The following ALPK1 variants were observed in gnomAD, a reference collection of about 807,000 sequenced individuals.
ALPK1 encodes the protein alpha-protein kinase 1.
ALPK1 carries 110 observed loss-of-function variants against 120.6 expected under a neutral mutation model. That is an observed-to-expected ratio of 0.91 (90% CI 0.78 to 1.07). ALPK1 has a LOEUF of 1.07. Among genes scored for constraint, ALPK1 ranks in the 50% least tolerant of loss-of-function variants. The probability of loss-of-function intolerance (pLI) is 0.00; values close to 1 mark genes in which losing one functional copy is unlikely to be tolerated. For missense variants in ALPK1, 1,498 were observed against 1,483.9 expected, an observed-to-expected ratio of 1.01 and a Z score of -0.16; for synonymous variants, 582 against 560.3, an observed-to-expected ratio of 1.04 and a Z score of -0.55.
chr4:112,364,822 A>G (rs1731070722), intron 2 of ALPK1, among the ~76,000 whole-genome samples: 1 of 152,208 alleles, frequency 6.6e-6, no homozygotes, highest in Non-Finnish European at 1.5e-5. Flanking sequence ...ATACTAGCTA[A>G]CAGAACCCAA....
rs568404114 is a variant in ALPK1, at chr4:112,439,476, A to G, written c.3352-210A>G. 6.0e-4 allele frequency among the ~76,000 whole-genome samples: 92 copies of G among 152,356 alleles called. 4 individuals carry two copies. The South Asian group carries it at 0.018, about 31-fold the overall frequency. On this transcript the variant is annotated intron_variant, in intron 13 of 15. Transcript: ENST00000650871. ...AAATTTAAGTTCTATGACATGCCAC[A>G]TGCCGTGTTAAGCATTTTACATGCA...
intron 2 of ALPK1, chr4:112,359,800 T>C: frequency 2.3e-6 from 1 of 426,484 alleles, no homozygotes; most frequent in Non-Finnish European, 4.6e-6. Context: ...ATGCAGGTCT[T>C]CTGGCCAGAG....
intron 8 of ALPK1, 48 bp downstream of exon 8, chr4:112,426,591 G>A (rs756087674): frequency 1.4e-6 from 2 of 1,379,884 alleles, no homozygotes; most frequent in East Asian, 2.6e-5. Flanking sequence ...TTTGTCTTTG[G>A]ATGATTATCT....
At position 112,311,640 on chromosome 4, in the gene ALPK1, T is replaced by C. The variant is rs182649381; in HGVS notation, c.-152-4161T>C. On this transcript the variant is annotated intron_variant, in intron 1 of 15. Coordinates refer to ENST00000650871, the MANE Select transcript of ALPK1 (RefSeq NM_025144.4). ...CTGAAGCTCTGTCTGTCCTTCAAGG[T>C]GCCTTCCTGACTTTCACAGCCAGCT... Among the ~76,000 whole-genome samples, 427 of 152,344 alleles carry C rather than the reference T, an allele frequency of 2.8e-3. 5 individuals carry two copies. The highest frequency in any genetic ancestry group is 9.1e-3 in the Admixed American group (140 of 15,306).
intron 5 of ALPK1, chr4:112,412,368 A>T (rs1294422578): frequency 2.0e-6 from 1 of 494,416 alleles, no homozygotes; most frequent in East Asian, 5.9e-5. Context: ...TTTAAAAAGC[A>T]GATTAGAATT....
At chr4:112,358,458 A>C in intron 2 of ALPK1, 1 of 659,420 alleles carries the variant, frequency 1.5e-6, no homozygotes, top group South Asian at 1.7e-5. Context: ...AGGAAAGCTA[A>C]GAGTCTCGAC....
intron 4 of ALPK1, among the ~76,000 whole-genome samples, chr4:112,409,039 TG>T (rs1453442112): frequency 6.6e-6 from 1 of 152,232 alleles, no homozygotes; most frequent in Non-Finnish European, 1.5e-5. Flanking sequence ...TCCCTTGTGT[TG>T]CCCATAAACA....
chr4:112,324,971 A>G (rs932060575), intron 2 of ALPK1, among the ~76,000 whole-genome samples: 3 of 109,346 alleles, frequency 2.7e-5, no homozygotes, highest in Non-Finnish European at 5.9e-5. Context: ...GGAACCAAAA[A>G]AAAGGGGGGG....
At chr4:112,397,683 C>T (rs541439529) in intron 4 of ALPK1, among the ~76,000 whole-genome samples, 1 of 152,258 alleles carries the variant, frequency 6.6e-6, no homozygotes, top group African/African-American at 2.4e-5. Context: ...GCCTAATATG[C>T]TTAAAATGTA....
intron 1 of ALPK1, among the ~76,000 whole-genome samples, chr4:112,299,747 C>T (rs1473483882): frequency 1.3e-5 from 2 of 152,078 alleles, no homozygotes; most frequent in Non-Finnish European, 2.9e-5. Flanking sequence ...TTTTATCAAA[C>T]GTTTATCACA....
Position 112,377,813 on chromosome 4 carries a change from A to G in ALPK1, c.36A>G (p.Gln12=), listed in dbSNP as rs774077943. The G allele has an allele frequency of 6.2e-7, 1 of 1,613,328 alleles. No individual in the cohort carries two copies. Among genetic ancestry groups the G allele is most frequent in the Non-Finnish European group, 8.5e-7 (1 of 1,179,572 alleles). The change falls in exon 3 of 16, where the codon CAA becomes CAG. Residue 12 remains glutamine (Q), a synonymous_variant. Coordinates refer to ENST00000650871, the MANE Select transcript of ALPK1 (RefSeq NM_025144.4). The stretch of plus-strand genomic sequence containing the variant: ...AAAAAGTGGTAGCTGTGCTACTGCA[A>G]GAGTGCAAGCAAGTGCTGGATCAGC... ...NNQKVVAVLL[Q]ECKQVLDQLL...
At chr4:112,430,362 A>G in intron 10 of ALPK1, 86 bp from the exon 11 acceptor site, 3 of 1,240,928 alleles carry the variant, frequency 2.4e-6, no homozygotes, top group South Asian at 1.5e-5. Context: ...ATTTCAAATG[A>G]CTGTCCTCCA....
At chr4:112,436,535 C>CTTATG (rs1482578365) in intron 12 of ALPK1, among the ~76,000 whole-genome samples, 1 of 152,092 alleles carries the variant, frequency 6.6e-6, no homozygotes, top group Non-Finnish European at 1.5e-5. Context: ...GCCCCTGATC[C>CTTATG]AATATGACTG....
chr4:112,375,670 A>G (rs939693944), intron 2 of ALPK1, among the ~76,000 whole-genome samples: 3 of 151,634 alleles, frequency 2.0e-5, no homozygotes, highest in Middle Eastern at 3.2e-3. Context: ...AATTTTCTCC[A>G]TATCAGCAAT....
Position 112,438,614 on chromosome 4 carries a change from C to T in ALPK1, c.3319C>T (p.Gln1107Ter). ...KRLYEQNIPT[Q>*]IFYIPSTILL... ...ACTCTATGAACAAAACATTCCCACC[C>T]AGATATTCTACATCCCATCCACAAT... The change falls in exon 13 of 16, where the codon CAG becomes TAG. Residue 1107 changes from glutamine to a stop codon, truncating the protein, a stop_gained. Transcript: ENST00000650871. LOFTEE classifies it high-confidence loss of function. 1 of 1,613,722 alleles carries T rather than the reference C, an allele frequency of 6.2e-7. No individual in the cohort carries two copies. The highest frequency in any genetic ancestry group is 8.5e-7 in the Non-Finnish European group (1 of 1,179,756).
chr4:112,346,565 T>C (rs917094747), intron 2 of ALPK1, among the ~76,000 whole-genome samples: 1 of 152,236 alleles, frequency 6.6e-6, no homozygotes, highest in Non-Finnish European at 1.5e-5. Flanking sequence ...TGGATGGCCA[T>C]CATATAAAAC....
chr4:112,367,450 C>CA (rs1255621573), intron 2 of ALPK1, among the ~76,000 whole-genome samples: 1 of 151,492 alleles, frequency 6.6e-6, no homozygotes, highest in Non-Finnish European at 1.5e-5. Flanking sequence ...AATGAAAATA[C>CA]AAAAAATATC....
chr4:112,372,145 C>T (rs1230635006), intron 2 of ALPK1, among the ~76,000 whole-genome samples: 2 of 151,768 alleles, frequency 1.3e-5, no homozygotes, highest in East Asian at 1.9e-4. Context: ...CTACTTAAGT[C>T]GTTTACAGTA....
At chr4:112,400,257 A>T (rs761608580) in intron 4 of ALPK1, among the ~76,000 whole-genome samples, 3 of 152,226 alleles carry the variant, frequency 2.0e-5, no homozygotes, top group Non-Finnish European at 4.4e-5. Flanking sequence ...TATAATGTAA[A>T]GAAGGATGAG....
Sources: gnomAD v4.1 joint callset for allele counts (sites outside exome capture counted in the v4.1 genomes callset) on GRCh38, gnomAD v4.1.1 for gene constraint, MANE v1.5 for transcripts, NCBI Gene and HGNC (gene_info 2026-07-23, HGNC 2026-07-21) for gene names.